Variants in GABRB2 observed in about 807,000 individuals in gnomAD.
The protein encoded by GABRB2 is gamma-aminobutyric acid receptor subunit beta-2.
In GABRB2, 16 loss-of-function variants were observed where a neutral mutation model predicts 54.7. That is an observed-to-expected ratio of 0.29 (90% CI 0.20 to 0.44). The LOEUF (loss-of-function observed/expected upper bound fraction) is 0.44, where lower values mean the gene tolerates loss of function less well. Among genes scored for constraint, GABRB2 ranks in the 20% least tolerant of loss-of-function variants. The pLI is 1.00. For missense variants in GABRB2, 355 were observed against 644.0 expected, an observed-to-expected ratio of 0.55 and a Z score of 4.86; for synonymous variants, 244 against 233.8, an observed-to-expected ratio of 1.04 and a Z score of -0.40.
At chr5:161,499,074 A>G (rs1759349400) in intron 3 of GABRB2, among the ~76,000 whole-genome samples, 1 of 152,058 alleles carries the variant, frequency 6.6e-6, no homozygotes, top group East Asian at 1.9e-4. Flanking sequence ...GTGGGCTTCC[A>G]GAGCTCGGGC....
intron 5 of GABRB2, among the ~76,000 whole-genome samples, chr5:161,402,102 T>C (rs1356694853): frequency 6.6e-6 from 1 of 151,610 alleles, no homozygotes; most frequent in Non-Finnish European, 1.5e-5. Flanking sequence ...TATATATACA[T>C]TCATACATAT....
chr5:161,499,594 T>C (rs1441221162), intron 3 of GABRB2, among the ~76,000 whole-genome samples: 1 of 152,212 alleles, frequency 6.6e-6, no homozygotes, highest in East Asian at 1.9e-4. Flanking sequence ...TTAATGGCCA[T>C]GCAGTATTTT....
intron 5 of GABRB2, among the ~76,000 whole-genome samples, chr5:161,376,661 A>G (rs1755311551): frequency 6.6e-6 from 1 of 152,164 alleles, no homozygotes. Context: ...AACTAAATAT[A>G]TCTTATCTGC....
At chr5:161,545,173 T>G (rs767984767) in intron 3 of GABRB2, 54 bp downstream of exon 3, 2 of 1,423,218 alleles carry the variant, frequency 1.4e-6, no homozygotes, top group Non-Finnish European at 9.7e-7. Context: ...CATTTCTCCT[T>G]CCTGTCCCCA....
At chr5:161,294,779 T>C (rs748034011) in intron 9 of GABRB2, among the ~76,000 whole-genome samples, 238 of 152,274 alleles carry the variant, frequency 1.6e-3, no homozygotes, top group Non-Finnish European at 2.4e-3. Flanking sequence ...TATGAACACA[T>C]AAAAATTAAG....
chr5:161,394,473 A>C lies in GABRB2; in HGVS notation c.541+16502T>G, dbSNP rs73797597. Among the ~76,000 whole-genome samples, 664 of 152,172 alleles carry C rather than the reference A, an allele frequency of 4.4e-3. 7 individuals carry two copies. Among genetic ancestry groups the C allele is most frequent in the African/African-American group, 0.014 (589 of 41,576 alleles). ...AAATATCCAGCAAAACTGATCAATG[A>C]TAGAGAATACAAATCACCATATTAA... On this transcript the variant is annotated intron_variant, in intron 5 of 9. Transcript: ENST00000393959.
intron 3 of GABRB2, among the ~76,000 whole-genome samples, chr5:161,527,927 C>T (rs1179036037): frequency 6.6e-6 from 1 of 151,576 alleles, no homozygotes; most frequent in Non-Finnish European, 1.5e-5. Context: ...TATACATGTT[C>T]TGGGGTCCAG....
chr5:161,363,948 A>C (rs1029234766), intron 5 of GABRB2, among the ~76,000 whole-genome samples: 1 of 152,232 alleles, frequency 6.6e-6, no homozygotes, highest in Non-Finnish European at 1.5e-5. Flanking sequence ...TTAACAAGTT[A>C]CAGGGGAAAA....
chr5:161,393,297 T>G (rs1379255305), intron 5 of GABRB2, among the ~76,000 whole-genome samples: 1 of 94,074 alleles, frequency 1.1e-5, no homozygotes, highest in East Asian at 2.6e-4. Context: ...TCTTTAAAAA[T>G]GTAAAAAAAA....
At chr5:161,377,458 A>G (rs1464848489) in intron 5 of GABRB2, among the ~76,000 whole-genome samples, 2 of 152,136 alleles carry the variant, frequency 1.3e-5, no homozygotes, top group Non-Finnish European at 2.9e-5. Flanking sequence ...TTAAACCTGT[A>G]TTACTGAGAA....
chr5:161,428,469 C>A (rs1052491771), intron 4 of GABRB2, among the ~76,000 whole-genome samples: 1 of 152,000 alleles, frequency 6.6e-6, no homozygotes, highest in Non-Finnish European at 1.5e-5. Flanking sequence ...TCATTTCATC[C>A]CCCACACCCT....
At chr5:161,545,686 T>C (rs1032542932) in intron 2 of GABRB2, among the ~76,000 whole-genome samples, 2 of 152,014 alleles carry the variant, frequency 1.3e-5, no homozygotes, top group Non-Finnish European at 2.9e-5. Context: ...TTTAACTCTT[T>C]GAGCTTCATA....
chr5:161,388,484 T>C (rs1755714776), intron 5 of GABRB2, among the ~76,000 whole-genome samples: 1 of 152,050 alleles, frequency 6.6e-6, no homozygotes, highest in South Asian at 2.1e-4. Flanking sequence ...GGAACAAGTG[T>C]TGTCTTATAA....
At chr5:161,318,372 A>G (rs1758106097) in intron 9 of GABRB2, among the ~76,000 whole-genome samples, 1 of 151,912 alleles carries the variant, frequency 6.6e-6, no homozygotes. Context: ...AAAATATTTC[A>G]ATCTTTGACT....
At chr5:161,520,172 A>G (rs575607070) in intron 3 of GABRB2, among the ~76,000 whole-genome samples, 26 of 152,178 alleles carry the variant, frequency 1.7e-4, no homozygotes, top group African/African-American at 5.5e-4. Flanking sequence ...GCTGGCCATG[A>G]GATTATGTGA....
chr5:161,525,718 C>G (rs35740252), intron 3 of GABRB2, among the ~76,000 whole-genome samples: 2,355 of 151,108 alleles, frequency 0.016, 29 homozygotes, highest in East Asian at 0.024. Flanking sequence ...TTTTCTTATC[C>G]AAGGACATAA....
intron 9 of GABRB2, among the ~76,000 whole-genome samples, chr5:161,313,090 T>TGAGGAAGGATGCAGGTCAA (rs1195437524): frequency 6.6e-6 from 1 of 152,142 alleles, no homozygotes; most frequent in Non-Finnish European, 1.5e-5. Flanking sequence ...TGCCAGGGAC[T>TGAGGAAGGATGCAGGTCAA]GAGGAAGGAT....
intron 5 of GABRB2, among the ~76,000 whole-genome samples, chr5:161,353,770 C>G (rs1754539215): frequency 3.3e-5 from 5 of 151,996 alleles, no homozygotes; most frequent in African/African-American, 9.7e-5. Flanking sequence ...CTATATAAAA[C>G]TTGGATATTC....
intron 4 of GABRB2, among the ~76,000 whole-genome samples, chr5:161,425,579 G>A (rs1336145723): frequency 6.6e-6 from 1 of 152,006 alleles, no homozygotes; most frequent in Non-Finnish European, 1.5e-5. Flanking sequence ...ACAGTATAGT[G>A]TAAGCATAAC....
Sources: allele counts gnomAD v4.1 joint callset (sites outside exome capture counted in the v4.1 genomes callset), GRCh38; gene constraint gnomAD v4.1.1; transcripts MANE v1.5; gene names NCBI Gene and HGNC (gene_info 2026-07-23, HGNC 2026-07-21).